SLC35F4: variants seen among roughly 807,000 people sequenced by gnomAD.
SLC35F4 encodes the protein chromosome 14 open reading frame 36.
A neutral mutation model predicts 44.2 loss-of-function variants in SLC35F4; 24 were observed. The ratio of observed to expected loss-of-function variants is 0.54; its 90% CI spans 0.39 to 0.76. SLC35F4 has a LOEUF of 0.76. SLC35F4 is among the 30% of genes least tolerant of loss of function. The pLI is 0.00. For missense variants in SLC35F4, 562 were observed against 586.1 expected, an observed-to-expected ratio of 0.96 and a Z score of 0.42; for synonymous variants, 238 against 223.6, an observed-to-expected ratio of 1.06 and a Z score of -0.57.
At position 57,612,587 on chromosome 14, in the gene SLC35F4, T is replaced by G. The variant is rs2071579548; in HGVS notation, c.104-18463A>C. Among the ~76,000 whole-genome samples, 4 of 152,348 alleles carry G rather than the reference T, an allele frequency of 2.6e-5. No homozygotes were observed. In the South Asian group the frequency reaches 8.3e-4, roughly 32 times the overall value. On this transcript the variant is annotated intron_variant, in intron 1 of 7. Transcript: ENST00000556826. ...TTCCTGGCTGTCAGCTTCTTAATAG[T>G]CAGGGCTCTGTCTTAGCTATTTCTG... is the stretch of plus-strand genomic sequence containing the variant.
At chr14:57,570,693 T>C (rs188814757) in intron 5 of SLC35F4, among the ~76,000 whole-genome samples, 4 of 152,134 alleles carry the variant, frequency 2.6e-5, no homozygotes, top group African/African-American at 4.8e-5. Flanking sequence ...AGCAGATCTC[T>C]TCTGCCTGGA....
intron 1 of SLC35F4, among the ~76,000 whole-genome samples, chr14:57,752,697 G>T (rs1424651104): frequency 6.6e-6 from 1 of 152,084 alleles, no homozygotes; most frequent in Non-Finnish European, 1.5e-5. Context: ...CTGACCTCAT[G>T]ATCCACCCGC....
chr14:57,805,172 G>A (rs897868482), intron 1 of SLC35F4, among the ~76,000 whole-genome samples: 1 of 152,158 alleles, frequency 6.6e-6, no homozygotes, highest in Non-Finnish European at 1.5e-5. Context: ...ACTGTTGGTG[G>A]GAGTGTAAAT....
intron 4 of SLC35F4, among the ~76,000 whole-genome samples, chr14:57,576,135 T>G (rs779941131): frequency 1.3e-5 from 2 of 152,192 alleles, no homozygotes; most frequent in African/African-American, 2.4e-5. Flanking sequence ...ACAATTCTTA[T>G]TTGCATAACA....
At chr14:57,742,233 T>C (rs2076630179) in intron 1 of SLC35F4, among the ~76,000 whole-genome samples, 1 of 152,166 alleles carries the variant, frequency 6.6e-6, no homozygotes, top group Admixed American at 6.5e-5. Flanking sequence ...GTATTAACCT[T>C]AAATGTAAAT....
At chr14:57,758,676 T>G (rs1023095811) in intron 1 of SLC35F4, among the ~76,000 whole-genome samples, 1 of 152,110 alleles carries the variant, frequency 6.6e-6, no homozygotes, top group Non-Finnish European at 1.5e-5. Context: ...TGGGTCATAT[T>G]TTTGCTTATT....
chr14:57,709,294 A>C (rs1169587892), intron 1 of SLC35F4, among the ~76,000 whole-genome samples: 1 of 152,144 alleles, frequency 6.6e-6, no homozygotes, highest in Non-Finnish European at 1.5e-5. Context: ...TTACCGCTAG[A>C]CCAAGGAGCC....
chr14:57,657,538 T>C (rs1052806773), intron 1 of SLC35F4, among the ~76,000 whole-genome samples: 3 of 152,214 alleles, frequency 2.0e-5, no homozygotes, highest in Admixed American at 1.3e-4. Context: ...ATACCATGCA[T>C]GCATCATTTC....
At chr14:57,856,892 T>C (rs1262350292) in intron 1 of SLC35F4, among the ~76,000 whole-genome samples, 1 of 152,082 alleles carries the variant, frequency 6.6e-6, no homozygotes, top group Non-Finnish European at 1.5e-5. Flanking sequence ...GGAAGATCAA[T>C]ACTAACAACT....
rs192376568 is a variant in SLC35F4, at chr14:57,813,197, G to A, written c.103+52526C>T. 3.4e-4 allele frequency among the ~76,000 whole-genome samples: 52 copies of A among 152,314 alleles called. 1 individual carries two copies. Among genetic ancestry groups the A allele is most frequent in the African/African-American group, 1.2e-3 (51 of 41,576 alleles). ...ATGCAGTAGAACCTTTCAGTATCAT[G>A]GCCCAACTCCACCCCAACACCACGC... is the stretch of plus-strand genomic sequence containing the variant. On this transcript the variant is annotated intron_variant, in intron 1 of 7. Transcript: ENST00000556826.
chr14:57,974,120 G>A (rs771233633), downstream of SLC35F4, among the ~76,000 whole-genome samples: 3 of 152,284 alleles, frequency 2.0e-5, no homozygotes, highest in East Asian at 3.9e-4. Flanking sequence ...GAGGTCACTT[G>A]GTGGTAGTCA....
intron 1 of SLC35F4, among the ~76,000 whole-genome samples, chr14:57,925,189 C>T (rs989002229): frequency 1.3e-5 from 2 of 152,078 alleles, no homozygotes; most frequent in East Asian, 1.9e-4. Flanking sequence ...TCCATTAGGC[C>T]CCACCTCCTA....
At chr14:57,975,357 C>T (rs1181194241), downstream of SLC35F4, among the ~76,000 whole-genome samples, 3 of 152,196 alleles carry the variant, frequency 2.0e-5, no homozygotes, top group Non-Finnish European at 4.4e-5. Context: ...ACTGGGGTTC[C>T]ATCATTAGGC....
chr14:57,961,182 C>T (rs1318339998), intron 1 of SLC35F4, among the ~76,000 whole-genome samples: 3 of 152,142 alleles, frequency 2.0e-5, no homozygotes, highest in East Asian at 1.9e-4. Flanking sequence ...CTCAGCCGTG[C>T]GCACCCGTCT....
intron 1 of SLC35F4, among the ~76,000 whole-genome samples, chr14:57,929,233 T>C (rs536839589): frequency 2.8e-4 from 43 of 152,336 alleles, no homozygotes; most frequent in African/African-American, 1.0e-3. Flanking sequence ...CCTTGGCCTC[T>C]CTTTGTCCAG....
At position 57,872,330 on chromosome 14, in the gene SLC35F4, C is replaced by T. The variant is rs189810968; in HGVS notation, n.282+109583G>A. On this transcript the variant is annotated intron_variant and non_coding_transcript_variant, in intron 1 of 1. Coordinates refer to the SLC35F4 transcript ENST00000556568. ...AATAATACAGAGGTACCAAAGTGGA[C>T]ATTCATCCTTTTTTTTTTTTAGTAC... Among the ~76,000 whole-genome samples the T allele has an allele frequency of 1.5e-3, 232 of 151,932 alleles. 3 individuals are homozygous for T. The East Asian group carries it at 0.029, about 19-fold the overall frequency.
chr14:57,807,248 G>GGAAGGAGGATCCC (rs1881431394), intron 1 of SLC35F4, among the ~76,000 whole-genome samples: 5 of 152,204 alleles, frequency 3.3e-5, no homozygotes, highest in African/African-American at 9.6e-5. Flanking sequence ...GAGAGCATGA[G>GGAAGGAGGATCCC]TTCTCTCTGC....
chr14:57,866,620 C>T (rs1041648703), upstream of SLC35F4, among the ~76,000 whole-genome samples: 1 of 152,170 alleles, frequency 6.6e-6, no homozygotes, highest in Non-Finnish European at 1.5e-5. Flanking sequence ...CTCCATCCTG[C>T]CACTGAAAAA....
At chr14:57,687,719 T>A (rs186466768) in intron 1 of SLC35F4, among the ~76,000 whole-genome samples, 3 of 152,198 alleles carry the variant, frequency 2.0e-5, no homozygotes, top group Non-Finnish European at 4.4e-5. Flanking sequence ...CAATCCCTTG[T>A]GGTTTACCTC....
Sources: allele counts gnomAD v4.1 joint callset (sites outside exome capture counted in the v4.1 genomes callset), GRCh38; gene constraint gnomAD v4.1.1; transcripts MANE v1.5; gene names NCBI Gene and HGNC (gene_info 2026-07-23, HGNC 2026-07-21).